The following DLGAP2 variants were observed in gnomAD, a reference collection of about 807,000 sequenced individuals.
DLGAP2 encodes the protein disks large-associated protein 2.
In DLGAP2, 26 loss-of-function variants were observed where a neutral mutation model predicts 100.3. That is an observed-to-expected ratio of 0.26 (90% CI 0.19 to 0.36). DLGAP2 has a LOEUF of 0.36. Among genes scored for constraint, DLGAP2 ranks in the 10% least tolerant of loss-of-function variants. DLGAP2 has a pLI of 1.00. For synonymous variants in DLGAP2, 886 were observed against 630.1 expected (o/e 1.41, Z -6.08); for missense variants, 1,858 against 1,453.2 (o/e 1.28, Z -4.53).
chr8:865,182 C>G (rs1158561953), intron 1 of DLGAP2, among the ~76,000 whole-genome samples: 1 of 152,228 alleles, frequency 6.6e-6, no homozygotes, highest in Non-Finnish European at 1.5e-5. Flanking sequence ...GGTGCCCTCG[C>G]TGGACACGCT....
chr8:1,158,380 C>G (rs374877352), intron 2 of DLGAP2, among the ~76,000 whole-genome samples: 4 of 152,294 alleles, frequency 2.6e-5, no homozygotes, highest in East Asian at 3.9e-4. Context: ...CCTCAGTAGA[C>G]AGTGTGTGTG....
At chr8:1,303,402 CAAAAAAAAAAAA>C (rs374350701) in intron 3 of DLGAP2, among the ~76,000 whole-genome samples, 3 of 125,308 alleles carry the variant, frequency 2.4e-5, no homozygotes, top group South Asian at 3.0e-4. Context: ...GTCTCAAAAA[CAAAAAAAAAAAA>C]AAAAAAAAAA....
intron 3 of DLGAP2, among the ~76,000 whole-genome samples, chr8:1,501,104 A>G (rs2130321747): frequency 6.6e-6 from 1 of 152,244 alleles, no homozygotes; most frequent in East Asian, 1.9e-4. Context: ...GCTGAGAATC[A>G]TTGGGACTCA....
chr8:1,501,606 A>G (rs1799725930), intron 4 of DLGAP2, among the ~76,000 whole-genome samples, 175 bp downstream of exon 4: 1 of 152,210 alleles, frequency 6.6e-6, no homozygotes, highest in South Asian at 2.1e-4. Flanking sequence ...GTTTTTAAGC[A>G]TTACGGAAGT....
At chr8:782,953 G>A (rs1046331824) in intron 1 of DLGAP2, among the ~76,000 whole-genome samples, 7 of 152,168 alleles carry the variant, frequency 4.6e-5, no homozygotes, top group African/African-American at 1.4e-4. Context: ...TGACTGACCC[G>A]GGAAAGCTGG....
intron 2 of DLGAP2, among the ~76,000 whole-genome samples, chr8:1,216,547 C>T (rs1203773176): frequency 6.6e-6 from 1 of 151,926 alleles, no homozygotes; most frequent in East Asian, 1.9e-4. Flanking sequence ...GTTGCCCAGG[C>T]TGGACTTGAA....
At chr8:1,031,019 G>A (rs191533115) in intron 2 of DLGAP2, among the ~76,000 whole-genome samples, 2 of 152,208 alleles carry the variant, frequency 1.3e-5, no homozygotes, top group Non-Finnish European at 2.9e-5. Context: ...TTTTAGAAAA[G>A]GTTGTTTTTC....
intron 6 of DLGAP2, among the ~76,000 whole-genome samples, chr8:1,600,138 T>G (rs1230029745): frequency 6.6e-6 from 1 of 152,180 alleles, no homozygotes; most frequent in East Asian, 1.9e-4. Flanking sequence ...TGAAGCTTAG[T>G]TTGGCTGGAT....
chr8:1,586,341 A>G (rs1584957446), intron 6 of DLGAP2, among the ~76,000 whole-genome samples: 1 of 152,212 alleles, frequency 6.6e-6, no homozygotes, highest in East Asian at 1.9e-4. Context: ...GAGGCCACCC[A>G]CAGGGATGTG....
intron 1 of DLGAP2, among the ~76,000 whole-genome samples, chr8:769,613 G>A (rs1286813397): frequency 6.6e-6 from 1 of 152,148 alleles, no homozygotes; most frequent in Non-Finnish European, 1.5e-5. Context: ...ATGAGTTACA[G>A]ACATCTGTGG....
At chr8:1,421,686 C>A (rs917340449) in intron 3 of DLGAP2, among the ~76,000 whole-genome samples, 1 of 152,194 alleles carries the variant, frequency 6.6e-6, no homozygotes, top group South Asian at 2.1e-4. Flanking sequence ...ATTCATAAGG[C>A]TAGGCACAGT....
chr8:787,433 G>A (rs187474701), intron 1 of DLGAP2, among the ~76,000 whole-genome samples: 122 of 152,284 alleles, frequency 8.0e-4, no homozygotes, highest in Non-Finnish European at 1.4e-3. Context: ...ACTTCTCTCC[G>A]CTTCTCCAAA....
chr8:1,499,576 G>T (rs1799647767), intron 3 of DLGAP2, among the ~76,000 whole-genome samples: 1 of 152,240 alleles, frequency 6.6e-6, no homozygotes, highest in African/African-American at 2.4e-5. Context: ...TTTGGCAGAT[G>T]TATTTCATTA....
rs1331106223 is a variant in DLGAP2, at chr8:1,705,898, G to A, written c.*4492G>A. 6.6e-6 allele frequency: 1 copy of A among 152,160 alleles called. No homozygotes were observed. The highest frequency in any genetic ancestry group is 1.5e-5 in the Non-Finnish European group (1 of 68,034). 9.4% of individuals were successfully genotyped at this position (152,160 alleles called of 1,614,324 possible). On this transcript the variant is annotated 3_prime_UTR_variant, in exon 15 of 15. Coordinates refer to ENST00000637795, the MANE Select transcript of DLGAP2 (RefSeq NM_001346810.2). ...AAATAGAAAACCACGAGCTTAAGAGGTGAAAAAGATGACCCCTTTCTGATT... is the reference window on the plus strand; with the variant it reads ...AAATAGAAAACCACGAGCTTAAGAGATGAAAAAGATGACCCCTTTCTGATT...
intron 2 of DLGAP2, among the ~76,000 whole-genome samples, chr8:979,077 C>G (rs1043018720): frequency 6.6e-6 from 1 of 152,034 alleles, no homozygotes; most frequent in African/African-American, 2.4e-5. Context: ...AATGCTAGCC[C>G]TTGTCATTAA....
intron 2 of DLGAP2, among the ~76,000 whole-genome samples, chr8:1,166,459 G>C (rs1336120315): frequency 6.6e-6 from 1 of 152,202 alleles, no homozygotes; most frequent in African/African-American, 2.4e-5. Flanking sequence ...GGAGTGGGCA[G>C]AGCCTTCACA....
rs374502586 is a variant in DLGAP2 at position 1,670,547 on chromosome 8, C to A, written c.2202+763C>A. Reference sequence around the variant, plus strand: ...CAGCCTGTTGCCACCCTGCACCCAGCACTGTGCCTGGCACATAGGGAGTGC... The same window carrying A: ...CAGCCTGTTGCCACCCTGCACCCAGAACTGTGCCTGGCACATAGGGAGTGC... On this transcript the variant is annotated intron_variant, in intron 10 of 14. Transcript: ENST00000637795. 2.2e-4 allele frequency among the ~76,000 whole-genome samples: 33 copies of A among 152,360 alleles called. No homozygotes were observed. The East Asian group carries it at 3.5e-3, about 16-fold the overall frequency.
chr8:1,142,973 C>A (rs1272819765), intron 2 of DLGAP2, among the ~76,000 whole-genome samples: 1 of 152,158 alleles, frequency 6.6e-6, no homozygotes, highest in Non-Finnish European at 1.5e-5. Flanking sequence ...CCAGGGAGAA[C>A]TACACAGGAT....
chr8:1,323,386 G>A (rs1800950309), intron 3 of DLGAP2, among the ~76,000 whole-genome samples: 1 of 152,196 alleles, frequency 6.6e-6, no homozygotes. Flanking sequence ...CCTCCGGGAG[G>A]AAAGGTGGTT....
Sources: gnomAD v4.1 joint callset for allele counts (sites outside exome capture counted in the v4.1 genomes callset) on GRCh38, gnomAD v4.1.1 for gene constraint, MANE v1.5 for transcripts, NCBI Gene and HGNC (gene_info 2026-07-23, HGNC 2026-07-21) for gene names.